Variants in NLRP9 observed in about 807,000 individuals in gnomAD.
NLRP9 encodes NACHT, LRR and PYD domains-containing protein 9.
A neutral mutation model predicts 83.1 loss-of-function variants in NLRP9; 88 were observed. That is an observed-to-expected ratio of 1.06 (90% confidence interval 0.89 to 1.26). The LOEUF is 1.26. Among genes scored for constraint, NLRP9 ranks in the 50% most tolerant of loss-of-function variants. The pLI, the probability that NLRP9 is intolerant of heterozygous loss-of-function variation, is 0.00. For missense variants in NLRP9, 1,308 were observed against 1,179.3 expected, an observed-to-expected ratio of 1.11 and a Z score of -1.60; for synonymous variants, 521 against 447.6, an observed-to-expected ratio of 1.16 and a Z score of -2.07.
chr19:55,732,591 C>T lies in NLRP9; in HGVS notation c.1240G>A (p.Asp414Asn), dbSNP rs1392561462. 6.2e-7 allele frequency: 1 copy of T among 1,614,082 alleles called. No individual in the cohort carries two copies. Among genetic ancestry groups the T allele is most frequent in the Non-Finnish European group, 8.5e-7 (1 of 1,180,032 alleles). The change falls in exon 2 of 9, where the codon GAT becomes AAT. Residue 414 changes from aspartate (D) to asparagine (N), a missense_variant. Transcript: ENST00000332836. ...TCAGATAACCCATTCCTCCGGAGAT[C>T]CCCATGGGAAAATACAAATGTATAT... The part of the protein sequence containing the change: ...WTYTFVFSHG[D>N]LRRNGLSESE...
chr19:55,733,396 T>G lies in NLRP9; in HGVS notation c.435A>C (p.Arg145=). ...LNDAYTAAAR[R]HTVVLEGPDG... ...CAGGACCTTCCAGGACCACAGTGTGTCGTCTAGCCGCAGCAGTATATGCGT... is the reference window on the plus strand; with the variant it reads ...CAGGACCTTCCAGGACCACAGTGTGGCGTCTAGCCGCAGCAGTATATGCGT... The change falls in exon 2 of 9, where the codon CGA becomes CGC. Residue 145 remains arginine, a synonymous_variant. Coordinates refer to ENST00000332836, the MANE Select transcript of NLRP9 (RefSeq NM_176820.4). 6.2e-7 allele frequency: 1 copy of G among 1,614,180 alleles called. No individual in the cohort carries two copies. Among genetic ancestry groups the G allele is most frequent in the Non-Finnish European group, 8.5e-7 (1 of 1,180,018 alleles).
rs566181350 is a variant in NLRP9 at position 55,716,643 on chromosome 19, G to T, written c.2330+85C>A. 3.5e-6 allele frequency: 4 copies of T among 1,134,826 alleles called. No individual in the cohort carries two copies. In the African/African-American group the frequency reaches 4.5e-5, roughly 13 times the overall value. The allele number at this position is 1,134,826 out of a possible 1,614,324, so 70.3% of individuals were successfully genotyped here. Reference sequence around the variant, plus strand: ...ATTCCGCATTCTGCTGCACCCCTCAGTGAGCACCGCGTTGCTTTGATAATG... The same window carrying T: ...ATTCCGCATTCTGCTGCACCCCTCATTGAGCACCGCGTTGCTTTGATAATG... On this transcript the variant is annotated intron_variant, in intron 5 of 8. Transcript: ENST00000332836.
chr19:55,715,302 C>A, intron 5 of NLRP9, 77 bp from the exon 6 acceptor site: 1 of 1,247,782 alleles, frequency 8.0e-7, no homozygotes, highest in Non-Finnish European at 1.1e-6. Context: ...CATCTCCCAG[C>A]CCACTGAAGC....
chr19:55,718,963 TGA>T (rs1216047872), intron 4 of NLRP9, among the ~76,000 whole-genome samples: 2 of 152,190 alleles, frequency 1.3e-5, no homozygotes, highest in Non-Finnish European at 2.9e-5. Context: ...TTTATTAAAT[TGA>T]GAGTCAGATC....
chr19:55,711,559 TTTGA>T lies in NLRP9; in HGVS notation c.2843+237_2843+240del, dbSNP rs1289194465. ...ACTTCTGACAATTTCTGGAGCTCTTTTTGATTGTCACAACTGAGGGAAGTGCTAC... is the reference window on the plus strand; with the variant it reads ...ACTTCTGACAATTTCTGGAGCTCTTTTTGTCACAACTGAGGGAAGTGCTAC... On this transcript the variant is annotated intron_variant, in intron 8 of 8. Coordinates refer to ENST00000332836, the MANE Select transcript of NLRP9 (RefSeq NM_176820.4). 3 of 1,094,720 alleles carry T rather than the reference TTTGA, an allele frequency of 2.7e-6. No individual in the cohort carries two copies. The African/African-American group carries it at 4.7e-5, about 17-fold the overall frequency. The allele number at this position is 1,094,720 out of a possible 1,614,324, so 67.8% of individuals were successfully genotyped here. A position where few individuals can be genotyped will look rare whatever the true frequency, so the allele number is the denominator to read the frequency against.
At chr19:55,711,497 C>T in intron 8 of NLRP9, 1 of 1,352,108 alleles carries the variant, frequency 7.4e-7, no homozygotes, top group Non-Finnish European at 9.7e-7. Context: ...TTTTATAGAG[C>T]AGTGGTTCTC....
At chr19:55,731,205 C>T (rs189297223) in intron 2 of NLRP9, among the ~76,000 whole-genome samples, 2 of 151,616 alleles carry the variant, frequency 1.3e-5, no homozygotes, top group East Asian at 1.9e-4. Flanking sequence ...TGGAAGAATA[C>T]AAGGCAAAAT....
intron 8 of NLRP9, chr19:55,711,460 A>G: frequency 7.6e-7 from 1 of 1,311,176 alleles, no homozygotes; most frequent in Non-Finnish European, 1.0e-6. Flanking sequence ...GGCGTTGCAT[A>G]TTTATGGGCA....
intron 5 of NLRP9, 107 bp from the exon 6 acceptor site, chr19:55,715,332 A>C: frequency 1.0e-6 from 1 of 969,640 alleles, no homozygotes; most frequent in Non-Finnish European, 1.5e-6. Flanking sequence ...TAATATTACC[A>C]TATTTTCTTT....
chr19:55,724,259 G>A lies in NLRP9; in HGVS notation c.1995-115C>T, dbSNP rs147876380. On this transcript the variant is annotated intron_variant, in intron 3 of 8. Transcript: ENST00000332836. The stretch of plus-strand genomic sequence containing the variant: ...GCTGGGCCTCACCACACTGTTTCTG[G>A]AATTCTGGTTACTCCTGCCAGTAAA... The A allele has an allele frequency of 9.3e-4, 616 of 661,398 alleles. 4 individuals carry two copies. The highest frequency in any genetic ancestry group is 9.3e-3 in the African/African-American group (499 of 53,892). The allele number at this position is 661,398 out of a possible 1,614,324, so 41.0% of individuals were successfully genotyped here. A position where few individuals can be genotyped will look rare whatever the true frequency, so the allele number is the denominator to read the frequency against.
At chr19:55,730,134 C>A in intron 2 of NLRP9, 142 bp from the exon 3 acceptor site, 1 of 691,798 alleles carries the variant, frequency 1.4e-6, no homozygotes, top group Non-Finnish European at 2.4e-6. Flanking sequence ...GCCAGGTAAA[C>A]GGAGCCAACA....
intron 3 of NLRP9, among the ~76,000 whole-genome samples, chr19:55,724,385 A>G (rs150012771): frequency 2.8e-4 from 43 of 152,004 alleles, no homozygotes; most frequent in African/African-American, 1.0e-3. Context: ...ACATAACTCC[A>G]AACATAGAAG....
intron 6 of NLRP9, among the ~76,000 whole-genome samples, chr19:55,714,300 C>G (rs143822713): frequency 0.017 from 2,526 of 151,884 alleles, 28 homozygotes; most frequent in South Asian, 0.027. Flanking sequence ...GCTATCCTCT[C>G]ATTACCTGGG....
chr19:55,712,621 C>T, intron 6 of NLRP9, 31 bp from the exon 7 acceptor site: 1 of 1,596,990 alleles, frequency 6.3e-7, no homozygotes, highest in Non-Finnish European at 8.6e-7. Context: ...CAAATACGTA[C>T]ACTTATGAGG....
At position 55,732,450 on chromosome 19, in the gene NLRP9, G is replaced by A. The variant is rs758128073; in HGVS notation, c.1381C>T (p.Arg461Ter). 4 of 1,614,104 alleles carry A rather than the reference G, an allele frequency of 2.5e-6. No homozygotes were observed. Among genetic ancestry groups the A allele is most frequent in the South Asian group, 2.2e-5 (2 of 91,092 alleles). The change falls in exon 2 of 9, where the codon CGA becomes TGA. Residue 461 changes from arginine (R) to a stop codon, truncating the protein, a stop_gained. Coordinates refer to ENST00000332836, the MANE Select transcript of NLRP9 (RefSeq NM_176820.4). LOFTEE classifies it high-confidence loss of function. ...GCCGGGTTAGGATCGTCTTTGGGTCGTTTGAGCAAATAAAACATGGCGGCA... is the reference window on the plus strand; with the variant it reads ...GCCGGGTTAGGATCGTCTTTGGGTCATTTGAGCAAATAAAACATGGCGGCA... ...FCAAMFYLLK[R>*]PKDDPNPAIG...
chr19:55,721,212 G>A (rs67132640), intron 4 of NLRP9, among the ~76,000 whole-genome samples: 11,205 of 152,196 alleles, frequency 0.074, 495 homozygotes, highest in East Asian at 0.18. Flanking sequence ...TGTTACCTTT[G>A]GTGGAAGTTG....
At chr19:55,735,335 C>T (rs1284243008) in intron 1 of NLRP9, among the ~76,000 whole-genome samples, 2 of 136,920 alleles carry the variant, frequency 1.5e-5, no homozygotes, top group South Asian at 5.4e-4. Context: ...GCCGGTAATC[C>T]CAGCGCTTTG....
rs1988590790 is a variant in NLRP9 at position 55,732,114 on chromosome 19, C to T, written c.1717G>A (p.Gly573Ser). 3 of 1,612,492 alleles carry T rather than the reference C, an allele frequency of 1.9e-6. No homozygotes were observed. Among genetic ancestry groups the T allele is most frequent in the African/African-American group, 1.3e-5 (1 of 74,974 alleles). Residue 573 changes from glycine (G) to serine (S), a missense_variant, in exon 2 of 9, where the codon GGT becomes AGT. Physicochemically the swap from Gly to Ser is moderately conservative, Grantham distance 56 (BLOSUM62 0). Coordinates refer to ENST00000332836, the MANE Select transcript of NLRP9 (RefSeq NM_176820.4). The part of the protein sequence containing the change: ...NFFEEVFIYI[G>S]NIEHLVIASF... ...GCTATTACCAAATGTTCTATGTTAC[C>T]AATATAAATGAAAACTTCTTCAAAG...
At chr19:55,735,687 A>T (rs1028753252) in intron 1 of NLRP9, among the ~76,000 whole-genome samples, 7 of 151,414 alleles carry the variant, frequency 4.6e-5, no homozygotes, top group African/African-American at 1.5e-4. Flanking sequence ...GCTATTTATT[A>T]AAAAATTTTT....
Sources: gnomAD v4.1 joint callset for allele counts (sites outside exome capture counted in the v4.1 genomes callset) on GRCh38, gnomAD v4.1.1 for gene constraint, MANE v1.5 for transcripts, NCBI Gene and HGNC (gene_info 2026-07-23, HGNC 2026-07-21) for gene names.